MOB1B: variants seen among roughly 807,000 people sequenced by gnomAD.
MOB1B encodes the protein MOB kinase activator 1B, also known as MOB1 Mps One Binder homolog B.
A neutral mutation model predicts 24.4 loss-of-function variants in MOB1B; 19 were observed. The observed-to-expected ratio is 0.78, with a 90% CI of 0.54 to 1.14. The LOEUF (loss-of-function observed/expected upper bound fraction) is 1.14. Ranked by LOEUF, MOB1B falls within the 50% of genes most tolerant of loss-of-function variation. MOB1B has a pLI of 0.00. For missense variants in MOB1B, 243 were observed against 259.6 expected, an observed-to-expected ratio of 0.94 and a Z score of 0.44; for synonymous variants, 76 against 82.1, an observed-to-expected ratio of 0.93 and a Z score of 0.40.
At chr4:70,938,514 C>G (rs893875866) in intron 1 of MOB1B, among the ~76,000 whole-genome samples, 6 of 151,980 alleles carry the variant, frequency 3.9e-5, no homozygotes, top group Non-Finnish European at 7.4e-5. Flanking sequence ...AAGCCAGAGA[C>G]CTTCTGTTTT....
rs768426556 is a variant in MOB1B at position 70,984,552 on chromosome 4, A to C, written c.*2495A>C. On this transcript the variant is annotated 3_prime_UTR_variant, in exon 6 of 6. Transcript: ENST00000309395. ...ATAATTATTTTCCCCCTTGCTCTCT[A>C]TATTAATACGTAGCTATAAAGCAAC... The C allele has an allele frequency of 6.6e-6, 1 of 152,196 alleles. No individual in the cohort carries two copies. The highest frequency in any genetic ancestry group is 2.4e-5 in the African/African-American group (1 of 41,450). 9.4% of individuals were successfully genotyped at this position (152,196 alleles called of 1,614,324 possible). A position where few individuals can be genotyped will look rare whatever the true frequency, so the allele number is the denominator to read the frequency against.
intron 1 of MOB1B, among the ~76,000 whole-genome samples, chr4:70,929,544 A>G (rs72646420): frequency 2.0e-4 from 31 of 152,116 alleles, no homozygotes; most frequent in Non-Finnish European, 2.2e-4. Context: ...ACAGTGGCCC[A>G]ACAACTGCTT....
chr4:70,987,458 C>T lies in MOB1B; in HGVS notation c.*5401C>T, dbSNP rs865965671. ...GCATTTTCATTTTAAGGATGCTTTGCTCCTTAAATTGTTCGACAGAAATGA... is the reference window on the plus strand; with the variant it reads ...GCATTTTCATTTTAAGGATGCTTTGTTCCTTAAATTGTTCGACAGAAATGA... On this transcript the variant is annotated 3_prime_UTR_variant, in exon 6 of 6. Coordinates refer to ENST00000309395, the MANE Select transcript of MOB1B (RefSeq NM_173468.4). 2.0e-5 allele frequency: 3 copies of T among 151,942 alleles called. No homozygotes were observed. The highest frequency in any genetic ancestry group is 1.3e-4 in the Admixed American group (2 of 15,256). 9.4% of individuals were successfully genotyped at this position (151,942 alleles called of 1,614,324 possible). A position where few individuals can be genotyped will look rare whatever the true frequency, so the allele number is the denominator to read the frequency against.
intron 1 of MOB1B, among the ~76,000 whole-genome samples, chr4:70,919,389 G>C (rs1239002717): frequency 6.6e-6 from 1 of 150,588 alleles, no homozygotes; most frequent in Admixed American, 6.6e-5. Context: ...TATTTATTTT[G>C]CCAGAATGAT....
chr4:70,972,898 C>T (rs965461033), intron 3 of MOB1B, among the ~76,000 whole-genome samples: 9 of 151,982 alleles, frequency 5.9e-5, no homozygotes, highest in East Asian at 5.8e-4. Flanking sequence ...CTCAGCCCCC[C>T]GAGTAGCTGG....
intron 1 of MOB1B, among the ~76,000 whole-genome samples, chr4:70,933,687 G>T (rs1332664134): frequency 6.6e-6 from 1 of 151,670 alleles, no homozygotes; most frequent in Non-Finnish European, 1.5e-5. Context: ...GAGTAGCTGG[G>T]ATTACAGGCT....
At chr4:70,975,516 T>A in intron 4 of MOB1B, 1 of 1,194,218 alleles carries the variant, frequency 8.4e-7, no homozygotes, top group Non-Finnish European at 1.0e-6. Flanking sequence ...TTAGTGCTTT[T>A]AAATGCTTAA....
At chr4:70,942,378 T>C (rs1315143371) in intron 1 of MOB1B, among the ~76,000 whole-genome samples, 1 of 152,098 alleles carries the variant, frequency 6.6e-6, no homozygotes, top group Non-Finnish European at 1.5e-5. Flanking sequence ...TGCCATTTAA[T>C]AAGTAAAGTT....
chr4:70,916,285 G>T (rs1736189995), intron 1 of MOB1B, among the ~76,000 whole-genome samples: 1 of 152,204 alleles, frequency 6.6e-6, no homozygotes, highest in Non-Finnish European at 1.5e-5. Flanking sequence ...TCATTCATAG[G>T]TTACGGTGTC....
chr4:70,963,835 C>A (rs1738410297), intron 2 of MOB1B, among the ~76,000 whole-genome samples: 1 of 151,386 alleles, frequency 6.6e-6, no homozygotes, highest in Non-Finnish European at 1.5e-5. Flanking sequence ...AAGAAAAAAA[C>A]AAAACAAAAA....
chr4:70,911,581 T>C (rs112834346), intron 1 of MOB1B, among the ~76,000 whole-genome samples: 1,631 of 152,214 alleles, frequency 0.011, 26 homozygotes, highest in African/African-American at 0.037. Flanking sequence ...AGCTTTTTTT[T>C]CCTTTACATA....
chr4:70,952,876 G>T (rs1463743582), intron 1 of MOB1B, among the ~76,000 whole-genome samples: 5 of 147,020 alleles, frequency 3.4e-5, no homozygotes, highest in Non-Finnish European at 7.5e-5. Context: ...GGACTTCTGT[G>T]TACATGCTTG....
At chr4:70,927,797 G>A (rs1736712668) in intron 1 of MOB1B, among the ~76,000 whole-genome samples, 1 of 152,044 alleles carries the variant, frequency 6.6e-6, no homozygotes, top group Non-Finnish European at 1.5e-5. Context: ...GTTCACTTGG[G>A]CATTTCAGGT....
chr4:70,910,043 C>T (rs545131550), intron 1 of MOB1B, among the ~76,000 whole-genome samples: 18 of 151,334 alleles, frequency 1.2e-4, no homozygotes, highest in Admixed American at 4.0e-4. Context: ...CCACCACGCC[C>T]GGCCTTTTTT....
intron 3 of MOB1B, among the ~76,000 whole-genome samples, chr4:70,970,761 A>C (rs1415779182): frequency 1.3e-5 from 2 of 152,234 alleles, no homozygotes; most frequent in Non-Finnish European, 2.9e-5. Context: ...AGACTCAAAG[A>C]ATTTAGTCAA....
intron 1 of MOB1B, among the ~76,000 whole-genome samples, chr4:70,916,470 C>T (rs1481217477): frequency 6.6e-6 from 1 of 152,166 alleles, no homozygotes; most frequent in African/African-American, 2.4e-5. Context: ...TACCCAAGGT[C>T]CCCGTAAAAC....
rs1739372842 is a variant in MOB1B, at chr4:70,986,107, C to T, written c.*4050C>T. On this transcript the variant is annotated 3_prime_UTR_variant, in exon 6 of 6. Transcript: ENST00000309395. Reference sequence around the variant, plus strand: ...ATATACTAATGGAAAAAAACCAAGTCCTTTCTCTAGAACTTGTTTTCTATT... The same window carrying T: ...ATATACTAATGGAAAAAAACCAAGTTCTTTCTCTAGAACTTGTTTTCTATT... 1 of 152,232 alleles carries T rather than the reference C, an allele frequency of 6.6e-6. No homozygotes were observed. Among genetic ancestry groups the T allele is most frequent in the African/African-American group, 2.4e-5 (1 of 41,552 alleles). The allele number at this position is 152,232 out of a possible 1,614,324, so 9.4% of individuals were successfully genotyped here. A position where few individuals can be genotyped will look rare whatever the true frequency, so the allele number is the denominator to read the frequency against.
chr4:70,972,177 G>A (rs1738784541), intron 3 of MOB1B, among the ~76,000 whole-genome samples: 1 of 152,014 alleles, frequency 6.6e-6, no homozygotes, highest in African/African-American at 2.4e-5. Flanking sequence ...ATTGAATGAT[G>A]GCTCGTAGAA....
chr4:70,917,547 C>T (rs529047176), intron 1 of MOB1B, among the ~76,000 whole-genome samples: 1 of 152,204 alleles, frequency 6.6e-6, no homozygotes, highest in African/African-American at 2.4e-5. Flanking sequence ...ATTATGAACC[C>T]AAAGTTCAAG....
Sources: gnomAD v4.1 joint callset for allele counts (sites outside exome capture counted in the v4.1 genomes callset) on GRCh38, gnomAD v4.1.1 for gene constraint, MANE v1.5 for transcripts, NCBI Gene and HGNC (gene_info 2026-07-23, HGNC 2026-07-21) for gene names.